RANBP17: variants seen among roughly 807,000 people sequenced by gnomAD.
RANBP17 encodes RAN binding protein 17, also known as ran-binding protein 17.
RANBP17 carries 158 observed loss-of-function variants against 141.2 expected under a neutral mutation model. The observed-to-expected ratio is 1.12, with a 90% CI of 0.98 to 1.28. The LOEUF is 1.28. Among genes scored for constraint, RANBP17 ranks in the 50% most tolerant of loss-of-function variants. RANBP17 has a pLI of 0.00. For synonymous variants in RANBP17, 430 were observed against 450.0 expected, an observed-to-expected ratio of 0.96 and a Z score of 0.56; for missense variants, 1,438 against 1,290.7, an observed-to-expected ratio of 1.11 and a Z score of -1.75.
At chr5:171,214,439 G>A (rs1763093441) in intron 21 of RANBP17, among the ~76,000 whole-genome samples, 1 of 152,184 alleles carries the variant, frequency 6.6e-6, no homozygotes, top group Non-Finnish European at 1.5e-5. Context: ...ATATGTCATT[G>A]TGGATATGGC....
intron 14 of RANBP17, among the ~76,000 whole-genome samples, chr5:171,064,126 A>G (rs141943516): frequency 0.027 from 4,119 of 152,318 alleles, 177 homozygotes; most frequent in African/African-American, 0.093. Context: ...GAGTGAGGCA[A>G]TGCCTCGCCC....
At position 171,105,642 on chromosome 5, in the gene RANBP17, C is replaced by T. The variant is rs1045100391; in HGVS notation, c.1711-64488C>T. On this transcript the variant is annotated intron_variant, in intron 14 of 27. Coordinates refer to ENST00000523189, the MANE Select transcript of RANBP17 (RefSeq NM_022897.5). The stretch of plus-strand genomic sequence containing the variant: ...CTGAAATAAGAGAATCACTTGAGCC[C>T]AGGAGTTTGAAGTTCCAGTGAACTG... Among the ~76,000 whole-genome samples, 4 of 151,788 alleles carry T rather than the reference C, an allele frequency of 2.6e-5. No homozygotes were observed. In the South Asian group the frequency reaches 8.3e-4, roughly 32 times the overall value.
intron 14 of RANBP17, among the ~76,000 whole-genome samples, chr5:171,066,968 C>A (rs1784347658): frequency 6.6e-6 from 1 of 152,044 alleles, no homozygotes; most frequent in African/African-American, 2.4e-5. Context: ...TTCCCCATTG[C>A]CTTTTAATTG....
At chr5:171,118,008 T>C (rs1755768816) in intron 14 of RANBP17, among the ~76,000 whole-genome samples, 1 of 152,170 alleles carries the variant, frequency 6.6e-6, no homozygotes, top group Non-Finnish European at 1.5e-5. Context: ...TTTAATTTGA[T>C]ATAATCCCAT....
At chr5:171,177,900 A>G (rs969644550) in intron 16 of RANBP17, among the ~76,000 whole-genome samples, 5 of 152,154 alleles carry the variant, frequency 3.3e-5, no homozygotes, top group African/African-American at 1.2e-4. Context: ...GTGGGCATTT[A>G]GAACTTACTG....
At chr5:171,104,461 T>G (rs1417149148) in intron 14 of RANBP17, among the ~76,000 whole-genome samples, 3 of 152,196 alleles carry the variant, frequency 2.0e-5, no homozygotes, top group African/African-American at 7.2e-5. Flanking sequence ...GAGGGTGAAA[T>G]ATAAGACTAT....
intron 25 of RANBP17, among the ~76,000 whole-genome samples, chr5:171,287,430 C>A (rs1366720845): frequency 6.7e-6 from 1 of 150,036 alleles, no homozygotes; most frequent in African/African-American, 2.5e-5. Flanking sequence ...GCGGAGGTTG[C>A]AGCAAGCCGA....
At chr5:170,880,239 T>C (rs1421695705) in intron 2 of RANBP17, among the ~76,000 whole-genome samples, 1 of 152,194 alleles carries the variant, frequency 6.6e-6, no homozygotes, top group Non-Finnish European at 1.5e-5. Context: ...ATAGTAAGTA[T>C]TGGTAACATT....
At chr5:170,949,467 A>G (rs923585474) in intron 12 of RANBP17, among the ~76,000 whole-genome samples, 4 of 152,176 alleles carry the variant, frequency 2.6e-5, no homozygotes, top group African/African-American at 9.6e-5. Context: ...CACTAAACAT[A>G]TGAAAGGATG....
chr5:171,205,275 A>C (rs1355889074), intron 19 of RANBP17, among the ~76,000 whole-genome samples: 2 of 152,180 alleles, frequency 1.3e-5, no homozygotes, highest in African/African-American at 4.8e-5. Context: ...AAAGTATATT[A>C]AGACTCTAAA....
intron 16 of RANBP17, among the ~76,000 whole-genome samples, chr5:171,173,831 C>T (rs1760261220): frequency 6.6e-6 from 1 of 152,094 alleles, no homozygotes; most frequent in Non-Finnish European, 1.5e-5. Context: ...GTTGGTGGCT[C>T]CAGGACCATA....
At position 171,138,539 on chromosome 5, in the gene RANBP17, C is replaced by CAAAA. The variant is rs532709660; in HGVS notation, c.1711-31577_1711-31574dup. Among the ~76,000 whole-genome samples, 43 of 98,008 alleles carry CAAAA rather than the reference C, an allele frequency of 4.4e-4. 1 individual carries two copies. Among genetic ancestry groups the CAAAA allele is most frequent in the East Asian group, 8.5e-4 (3 of 3,526 alleles). 64.3% of individuals were successfully genotyped at this position (98,008 alleles called of 152,430 possible). ...CAGTTTCTCCTACCCTTCCCTACTGCAAAAAAAAAAAAAAAAAGTCCTGAG... is the reference window on the plus strand; with the variant it reads ...CAGTTTCTCCTACCCTTCCCTACTGCAAAAAAAAAAAAAAAAAAAAAGTCCTGAG... On this transcript the variant is annotated intron_variant, in intron 14 of 27. Transcript: ENST00000523189.
At chr5:171,080,530 G>A (rs751943664) in intron 14 of RANBP17, among the ~76,000 whole-genome samples, 1 of 152,144 alleles carries the variant, frequency 6.6e-6, no homozygotes, top group Admixed American at 6.6e-5. Flanking sequence ...TTGACATTTT[G>A]TCTGACCTGA....
At chr5:171,128,188 A>G (rs1329467955) in intron 14 of RANBP17, among the ~76,000 whole-genome samples, 2 of 152,176 alleles carry the variant, frequency 1.3e-5, no homozygotes, top group African/African-American at 4.8e-5. Context: ...TATCAAAGAG[A>G]CATCTGTACA....
At chr5:170,901,268 CT>C (rs1211791274) in intron 5 of RANBP17, among the ~76,000 whole-genome samples, 1 of 152,126 alleles carries the variant, frequency 6.6e-6, no homozygotes, top group African/African-American at 2.4e-5. Context: ...ATGTAATGCC[CT>C]TCTTTGTCTC....
In RANBP17 at chr5:171,242,710, A is replaced by G. The variant is rs748636494; in HGVS notation, c.2666A>G (p.Tyr889Cys). The G allele has an allele frequency of 6.2e-7, 1 of 1,613,810 alleles. No homozygotes were observed. The highest frequency in any genetic ancestry group is 8.5e-7 in the Non-Finnish European group (1 of 1,179,898). ...TACCGGAAACTGAGCCAGTCTTATT[A>G]TCCACTCCTGGAATGTCTCACTCAG... ...LQYRKLSQSY[Y>C]PLLECLTQDH... Residue 889 changes from tyrosine (Y) to cysteine (C), a missense_variant, in exon 24 of 28, where the codon TAT (tyrosine) becomes TGT (cysteine). Transcript: ENST00000523189.
intron 14 of RANBP17, among the ~76,000 whole-genome samples, chr5:171,031,994 C>T (rs1214393328): frequency 1.3e-5 from 2 of 151,884 alleles, no homozygotes; most frequent in African/African-American, 2.4e-5. Flanking sequence ...TTTAGTTGAC[C>T]GAGTAAAATT....
chr5:171,003,966 A>C (rs1330667808), intron 14 of RANBP17, among the ~76,000 whole-genome samples: 1 of 152,206 alleles, frequency 6.6e-6, no homozygotes, highest in East Asian at 1.9e-4. Flanking sequence ...TAGGCAAAAC[A>C]ATTTGGTTGA....
chr5:170,881,631 G>T (rs898742245), intron 2 of RANBP17, among the ~76,000 whole-genome samples, 175 bp from the exon 3 acceptor site: 1 of 152,140 alleles, frequency 6.6e-6, no homozygotes, highest in South Asian at 2.1e-4. Context: ...GTATGCCTGT[G>T]TATGTGTATC....
Sources: allele counts gnomAD v4.1 joint callset (sites outside exome capture counted in the v4.1 genomes callset), GRCh38; gene constraint gnomAD v4.1.1; transcripts MANE v1.5; gene names NCBI Gene and HGNC (gene_info 2026-07-23, HGNC 2026-07-21).